Variants in RORA observed in about 807,000 individuals in gnomAD.
RORA encodes the protein nuclear receptor ROR-alpha.
Under a neutral mutation model 69.5 loss-of-function variants are expected in RORA, and 7 were observed. That is an observed-to-expected ratio of 0.10 (90% confidence interval 0.06 to 0.19). The LOEUF (loss-of-function observed/expected upper bound fraction) is 0.19, where lower values mean the gene tolerates loss of function less well. Ranked by LOEUF, RORA falls within the 10% of genes least tolerant of loss-of-function variation. The pLI is 1.00. For missense variants in RORA, 457 were observed against 663.0 expected, an observed-to-expected ratio of 0.69 and a Z score of 3.41; for synonymous variants, 261 against 240.8, an observed-to-expected ratio of 1.08 and a Z score of -0.78.
intron 1 of RORA, among the ~76,000 whole-genome samples, chr15:61,076,368 T>C (rs528484685): frequency 5.1e-4 from 77 of 151,948 alleles, no homozygotes; most frequent in African/African-American, 1.7e-3. Flanking sequence ...GAGATACTTA[T>C]TGAGCAAACA....
intron 1 of RORA, among the ~76,000 whole-genome samples, chr15:60,709,933 C>T (rs1220159256): frequency 6.6e-6 from 1 of 152,042 alleles, no homozygotes; most frequent in Admixed American, 6.6e-5. Flanking sequence ...TTTAGACCAC[C>T]CTGCCTCTGT....
chr15:60,888,048 T>A (rs1363713841), intron 1 of RORA, among the ~76,000 whole-genome samples: 1 of 152,184 alleles, frequency 6.6e-6, no homozygotes, highest in African/African-American at 2.4e-5. Context: ...CCCAGGAATG[T>A]CTCTCTCCAT....
chr15:60,616,837 A>C (rs2069257555), intron 2 of RORA, among the ~76,000 whole-genome samples: 1 of 151,940 alleles, frequency 6.6e-6, no homozygotes, highest in South Asian at 2.1e-4. Flanking sequence ...GCTGTAGGAA[A>C]CCCCCTGGTC....
At chr15:61,199,096 G>A (rs2079872449) in intron 1 of RORA, among the ~76,000 whole-genome samples, 1 of 152,144 alleles carries the variant, frequency 6.6e-6, no homozygotes, top group Non-Finnish European at 1.5e-5. Context: ...TGAATTATCA[G>A]ACAAAGAAAA....
At position 60,870,156 on chromosome 15, in the gene RORA, C is replaced by T. The variant is rs183737658; in HGVS notation, c.167-191470G>A. ...AAGCAAAGGTTATTCCGTTACTAGCCACAGCTGGCTACAGAAACCAGGTGC... is the reference window on the plus strand; with the variant it reads ...AAGCAAAGGTTATTCCGTTACTAGCTACAGCTGGCTACAGAAACCAGGTGC... On this transcript the variant is annotated intron_variant, in intron 1 of 10. Transcript: ENST00000335670. Among the ~76,000 whole-genome samples the T allele has an allele frequency of 3.4e-3, 523 of 152,280 alleles. 4 individuals carry two copies. The highest frequency in any genetic ancestry group is 0.012 in the African/African-American group (506 of 41,554).
In RORA at chr15:61,229,090, G is replaced by A; in HGVS notation, c.129C>T (p.Ala43=). ...QESARKSEPP[A]PVRRQSYSST... Reference sequence around the variant, plus strand: ...TGGAATAGCTCTGTCTGCGCACCGGGGCAGGCGGCTCGCTCTTGCGGGCGG... The same window carrying A: ...TGGAATAGCTCTGTCTGCGCACCGGAGCAGGCGGCTCGCTCTTGCGGGCGG... The change falls in exon 1 of 11, where the codon GCC becomes GCT. Residue 43 remains alanine (A), a synonymous_variant. Coordinates refer to ENST00000335670, the MANE Select transcript of RORA (RefSeq NM_134261.3). 2 of 1,539,052 alleles carry A rather than the reference G, an allele frequency of 1.3e-6. No individual in the cohort carries two copies. The highest frequency in any genetic ancestry group is 2.8e-5 in the African/African-American group (2 of 71,556).
At chr15:61,086,400 T>G (rs2078625441) in intron 1 of RORA, among the ~76,000 whole-genome samples, 1 of 152,222 alleles carries the variant, frequency 6.6e-6, no homozygotes, top group Non-Finnish European at 1.5e-5. Flanking sequence ...TGCTAAGGCA[T>G]AGTTGTAAAT....
At chr15:60,962,765 T>A (rs7178864) in intron 1 of RORA, among the ~76,000 whole-genome samples, 7 of 152,198 alleles carry the variant, frequency 4.6e-5, no homozygotes, top group Admixed American at 3.9e-4. Flanking sequence ...AGTGGTGGCA[T>A]GGTCTTTGTC....
chr15:60,827,018 A>G (rs1567204904), intron 1 of RORA, among the ~76,000 whole-genome samples: 1 of 152,184 alleles, frequency 6.6e-6, no homozygotes, highest in Non-Finnish European at 1.5e-5. Flanking sequence ...AAGTTCTTGT[A>G]GGAGTATAAC....
At chr15:60,734,341 A>T (rs2071470566) in intron 1 of RORA, among the ~76,000 whole-genome samples, 1 of 152,184 alleles carries the variant, frequency 6.6e-6, no homozygotes, top group African/African-American at 2.4e-5. Flanking sequence ...GGGGACCACT[A>T]CCCTAAACAC....
chr15:60,973,060 C>T (rs993399615), intron 1 of RORA, among the ~76,000 whole-genome samples: 4 of 151,488 alleles, frequency 2.6e-5, no homozygotes, highest in Non-Finnish European at 4.4e-5. Context: ...ATGGGAAATC[C>T]GGAATTAGAA....
intron 1 of RORA, among the ~76,000 whole-genome samples, chr15:61,027,446 G>A (rs1543248): frequency 0.068 from 10,391 of 152,090 alleles, 397 homozygotes; most frequent in East Asian, 0.15. Context: ...ACTTTGGCTC[G>A]GCGTTTTGTT....
At chr15:60,937,829 T>G (rs371284580) in intron 1 of RORA, among the ~76,000 whole-genome samples, 2 of 152,238 alleles carry the variant, frequency 1.3e-5, no homozygotes, top group Non-Finnish European at 2.9e-5. Flanking sequence ...TACATAAACT[T>G]GCCTACCTCA....
chr15:61,181,305 C>T (rs1190815424), intron 1 of RORA: 1 of 152,130 alleles, frequency 6.6e-6, no homozygotes, highest in East Asian at 1.9e-4. Flanking sequence ...TACCATTAAA[C>T]AGCCACTAAA....
chr15:60,499,695 G>C (rs1005773987), intron 10 of RORA, among the ~76,000 whole-genome samples, 197 bp downstream of exon 10: 2 of 152,210 alleles, frequency 1.3e-5, no homozygotes, highest in Non-Finnish European at 1.5e-5. Context: ...ATCAACGATA[G>C]TAAGTATAAT....
chr15:60,942,872 C>T (rs997107127), intron 1 of RORA, among the ~76,000 whole-genome samples: 9 of 152,212 alleles, frequency 5.9e-5, no homozygotes, highest in Non-Finnish European at 1.3e-4. Flanking sequence ...GCTGGCCTTA[C>T]ACATTCTGGA....
At chr15:60,558,966 G>A in intron 2 of RORA, among the ~76,000 whole-genome samples, 1 of 152,142 alleles carries the variant, frequency 6.6e-6, no homozygotes, top group East Asian at 1.9e-4. Flanking sequence ...ATACACTAAA[G>A]TGTAATAGTT....
chr15:60,831,276 G>A (rs2073038500), intron 1 of RORA, among the ~76,000 whole-genome samples: 1 of 152,138 alleles, frequency 6.6e-6, no homozygotes, highest in African/African-American at 2.4e-5. Context: ...AGGTTACATG[G>A]AGAGCTCACT....
chr15:61,158,638 G>T (rs1362991889), intron 1 of RORA, among the ~76,000 whole-genome samples: 8 of 152,158 alleles, frequency 5.3e-5, no homozygotes, highest in Admixed American at 5.2e-4. Flanking sequence ...CTCCCCCGAG[G>T]TAAGTACTAT....
Sources: gnomAD v4.1 joint callset for allele counts (sites outside exome capture counted in the v4.1 genomes callset) on GRCh38, gnomAD v4.1.1 for gene constraint, MANE v1.5 for transcripts, NCBI Gene and HGNC (gene_info 2026-07-23, HGNC 2026-07-21) for gene names.